SYNJ2BP: variants seen among roughly 807,000 people sequenced by gnomAD.
SYNJ2BP encodes the protein synaptojanin-2-binding protein.
A neutral mutation model predicts 16.9 loss-of-function variants in SYNJ2BP; 10 were observed. That is an observed-to-expected ratio of 0.59 (90% CI 0.36 to 1.00). The LOEUF (loss-of-function observed/expected upper bound fraction) is 1.00. SYNJ2BP is among the 50% of genes least tolerant of loss of function. The probability of loss-of-function intolerance (pLI) is 0.01; values close to 1 mark genes in which losing one functional copy is unlikely to be tolerated. For synonymous variants in SYNJ2BP, 54 were observed against 68.4 expected, an observed-to-expected ratio of 0.79 and a Z score of 1.04; for missense variants, 162 against 186.7, an observed-to-expected ratio of 0.87 and a Z score of 0.77.
At chr14:70,408,612 G>A (rs1425362646) in intron 1 of SYNJ2BP, among the ~76,000 whole-genome samples, 1 of 150,706 alleles carries the variant, frequency 6.6e-6, no homozygotes, top group African/African-American at 2.4e-5. Flanking sequence ...GGCAGAGGTT[G>A]CAGTGTGCTG....
chr14:70,376,653 C>T (rs1887637011), intron 2 of SYNJ2BP, among the ~76,000 whole-genome samples: 1 of 152,196 alleles, frequency 6.6e-6, no homozygotes, highest in Non-Finnish European at 1.5e-5. Context: ...TACATTATCT[C>T]TTTTAATTCT....
chr14:70,384,934 A>C (rs1014915354), intron 2 of SYNJ2BP, among the ~76,000 whole-genome samples: 1 of 152,066 alleles, frequency 6.6e-6, no homozygotes, highest in African/African-American at 2.4e-5. Context: ...ACAGCCCCTG[A>C]TATGTCTTCT....
chr14:70,385,526 C>G (rs1296033061), intron 2 of SYNJ2BP, among the ~76,000 whole-genome samples: 1 of 151,754 alleles, frequency 6.6e-6, no homozygotes, highest in African/African-American at 2.4e-5. Context: ...GCGCGTGCCA[C>G]CATGCCCACC....
intron 2 of SYNJ2BP, among the ~76,000 whole-genome samples, chr14:70,375,990 C>T (rs532040595): frequency 6.6e-6 from 1 of 152,192 alleles, no homozygotes; most frequent in Admixed American, 6.5e-5. Flanking sequence ...CTGAAGAGAA[C>T]CTATGTAAAA....
At chr14:70,399,771 T>G (rs1247656911) in intron 1 of SYNJ2BP, among the ~76,000 whole-genome samples, 1 of 152,186 alleles carries the variant, frequency 6.6e-6, no homozygotes, top group African/African-American at 2.4e-5. Context: ...CAGGAGATTT[T>G]CTCTCAGGAT....
rs149832935 is a variant in SYNJ2BP at position 70,393,765 on chromosome 14, G to T, written c.65-5159C>A. ...GGGAGCCGAACAATGAGAACACATGGACACAGGGAGGGGAACATCATACAC... is the reference window on the plus strand; with the variant it reads ...GGGAGCCGAACAATGAGAACACATGTACACAGGGAGGGGAACATCATACAC... On this transcript the variant is annotated intron_variant, in intron 1 of 3. Coordinates refer to ENST00000256366, the MANE Select transcript of SYNJ2BP (RefSeq NM_018373.3). Among the ~76,000 whole-genome samples the T allele has an allele frequency of 1.5e-3, 232 of 151,134 alleles. 2 individuals carry two copies. The highest frequency in any genetic ancestry group is 4.8e-3 in the African/African-American group (199 of 41,106).
At chr14:70,410,660 T>C (rs1192219995) in intron 1 of SYNJ2BP, among the ~76,000 whole-genome samples, 1 of 152,146 alleles carries the variant, frequency 6.6e-6, no homozygotes, top group African/African-American at 2.4e-5. Context: ...GTGGTGCATA[T>C]ACACCATGGA....
intron 2 of SYNJ2BP, among the ~76,000 whole-genome samples, chr14:70,387,402 CT>C (rs1887882516): frequency 6.6e-6 from 1 of 152,090 alleles, no homozygotes; most frequent in South Asian, 2.1e-4. Context: ...TGACTGTATG[CT>C]TGTTCTAATT....
At chr14:70,412,306 G>A (rs1317994615) in intron 1 of SYNJ2BP, among the ~76,000 whole-genome samples, 1 of 152,014 alleles carries the variant, frequency 6.6e-6, no homozygotes, top group Non-Finnish European at 1.5e-5. Context: ...ATATGGTATA[G>A]CAGAATTAAC....
At chr14:70,392,000 A>G (rs899765255) in intron 1 of SYNJ2BP, among the ~76,000 whole-genome samples, 3 of 152,242 alleles carry the variant, frequency 2.0e-5, no homozygotes, top group Non-Finnish European at 2.9e-5. Context: ...GGCATGACCA[A>G]CTGAACCTGG....
At chr14:70,407,604 A>G (rs1445429655) in intron 1 of SYNJ2BP, among the ~76,000 whole-genome samples, 1 of 152,172 alleles carries the variant, frequency 6.6e-6, no homozygotes, top group African/African-American at 2.4e-5. Flanking sequence ...CAAATATGAT[A>G]AAATGATTTT....
chr14:70,377,229 T>A (rs540018632), intron 2 of SYNJ2BP, among the ~76,000 whole-genome samples: 1 of 152,344 alleles, frequency 6.6e-6, no homozygotes, highest in East Asian at 1.9e-4. Flanking sequence ...TAGGAGTTCC[T>A]GTTGTAATTT....
At position 70,410,478 on chromosome 14, in the gene SYNJ2BP, T is replaced by G. The variant is rs28493847; in HGVS notation, c.64+6422A>C. 9.9e-3 allele frequency among the ~76,000 whole-genome samples: 1,510 copies of G among 152,254 alleles called. 30 individuals carry two copies. The highest frequency in any genetic ancestry group is 0.035 in the African/African-American group (1,459 of 41,542). On this transcript the variant is annotated intron_variant, in intron 1 of 3. Coordinates refer to ENST00000256366, the MANE Select transcript of SYNJ2BP (RefSeq NM_018373.3). ...TATATTATTATGATATCTATCAGTT[T>G]GCTCAGTCATTTAATGAACACTTAC...
At position 70,372,075 on chromosome 14, in the gene SYNJ2BP, G is replaced by A. The variant is rs886308773; in HGVS notation, c.*916C>T. The A allele has an allele frequency of 4.6e-5, 7 of 152,078 alleles. No homozygotes were observed. Among genetic ancestry groups the A allele is most frequent in the Admixed American group, 4.6e-4 (7 of 15,278 alleles). 9.4% of individuals were successfully genotyped at this position (152,078 alleles called of 1,614,324 possible). Reference sequence around the variant, plus strand: ...TACCTTATAATAACTCACCATAGTTGGCTGTTATAAGAATAAATATTGTTC... The same window carrying A: ...TACCTTATAATAACTCACCATAGTTAGCTGTTATAAGAATAAATATTGTTC... On this transcript the variant is annotated 3_prime_UTR_variant, in exon 4 of 4. Transcript: ENST00000256366.
In SYNJ2BP at chr14:70,370,181, A is replaced by G. The variant is rs1167773571; in HGVS notation, c.*2810T>C. On this transcript the variant is annotated 3_prime_UTR_variant, in exon 4 of 4. Transcript: ENST00000256366. Reference sequence around the variant, plus strand: ...ATGGATACTTTTTAAACAAATTTACATATACCAACAAGCAAAAAACTAGAG... The same window carrying G: ...ATGGATACTTTTTAAACAAATTTACGTATACCAACAAGCAAAAAACTAGAG... The G allele has an allele frequency of 2.0e-5, 3 of 152,200 alleles. No homozygotes were observed. Among genetic ancestry groups the G allele is most frequent in the Non-Finnish European group, 4.4e-5 (3 of 68,030 alleles). The allele number at this position is 152,200 out of a possible 1,614,324, so 9.4% of individuals were successfully genotyped here. A position where few individuals can be genotyped will look rare whatever the true frequency, so the allele number is the denominator to read the frequency against.
chr14:70,409,603 A>C (rs1888425279), intron 1 of SYNJ2BP, among the ~76,000 whole-genome samples: 1 of 152,150 alleles, frequency 6.6e-6, no homozygotes. Context: ...CCTTGAAGCA[A>C]TCTTTAGAGA....
rs973650412 is a variant in SYNJ2BP, at chr14:70,366,822, G to A, written c.*6169C>T. 9.2e-5 allele frequency: 14 copies of A among 152,122 alleles called. No homozygotes were observed. Among genetic ancestry groups the A allele is most frequent in the African/African-American group, 3.4e-4 (14 of 41,422 alleles). The allele number at this position is 152,122 out of a possible 1,614,324, so 9.4% of individuals were successfully genotyped here. ...AAGCAAAACAAAACAGGGTTCATGA[G>A]GAAAATAATCTTCTAAGAACTAACA... On this transcript the variant is annotated 3_prime_UTR_variant, in exon 4 of 4. Coordinates refer to ENST00000256366, the MANE Select transcript of SYNJ2BP (RefSeq NM_018373.3).
At position 70,366,868 on chromosome 14, in the gene SYNJ2BP, A is replaced by G. The variant is rs953327285; in HGVS notation, c.*6123T>C. On this transcript the variant is annotated 3_prime_UTR_variant, in exon 4 of 4. Coordinates refer to ENST00000256366, the MANE Select transcript of SYNJ2BP (RefSeq NM_018373.3). Reference sequence around the variant, plus strand: ...TAACATGGCCTGGAGGTAAAATGCAAATATATCCGGTAATAAGAAGCCCAG... The same window carrying G: ...TAACATGGCCTGGAGGTAAAATGCAGATATATCCGGTAATAAGAAGCCCAG... 1.3e-5 allele frequency: 2 copies of G among 152,250 alleles called. No individual in the cohort carries two copies. The highest frequency in any genetic ancestry group is 3.8e-4 in the East Asian group (2 of 5,202). 9.4% of individuals were successfully genotyped at this position (152,250 alleles called of 1,614,324 possible). A position where few individuals can be genotyped will look rare whatever the true frequency, so the allele number is the denominator to read the frequency against.
rs78402775 is a variant in SYNJ2BP at position 70,383,260 on chromosome 14, C to T, written c.201+5210G>A. ...GAGGTATTTTATTTAAAGAATGCTGCTGTATATTTCAACATCTCTGCAGCT... is the reference window on the plus strand; with the variant it reads ...GAGGTATTTTATTTAAAGAATGCTGTTGTATATTTCAACATCTCTGCAGCT... On this transcript the variant is annotated intron_variant, in intron 2 of 3. Transcript: ENST00000256366. Among the ~76,000 whole-genome samples, 1,370 of 152,312 alleles carry T rather than the reference C, an allele frequency of 9.0e-3. 23 individuals are homozygous for T. The highest frequency in any genetic ancestry group is 0.031 in the African/African-American group (1,284 of 41,540).
Sources: gnomAD v4.1 joint callset for allele counts (sites outside exome capture counted in the v4.1 genomes callset) on GRCh38, gnomAD v4.1.1 for gene constraint, MANE v1.5 for transcripts, NCBI Gene and HGNC (gene_info 2026-07-23, HGNC 2026-07-21) for gene names.